The following MAGI2 variants were observed in gnomAD, a reference collection of about 807,000 sequenced individuals.
MAGI2 encodes the protein membrane associated guanylate kinase, WW and PDZ domain containing 2.
In MAGI2, 35 loss-of-function variants were observed where a neutral mutation model predicts 133.3. The observed-to-expected ratio is 0.26, with a 90% CI of 0.20 to 0.35. The LOEUF (loss-of-function observed/expected upper bound fraction) is 0.35. Among genes scored for constraint, MAGI2 ranks in the 10% least tolerant of loss-of-function variants. MAGI2 has a pLI of 1.00. For synonymous variants in MAGI2, 729 were observed against 710.6 expected (o/e 1.03, Z -0.41); for missense variants, 1,636 against 1,863.4 (o/e 0.88, Z 2.25).
chr7:79,135,425 T>A (rs1821300016), intron 1 of MAGI2, among the ~76,000 whole-genome samples: 1 of 152,174 alleles, frequency 6.6e-6, no homozygotes, highest in African/African-American at 2.4e-5. Context: ...ACCCTCTGGA[T>A]ATATAGAAAC....
At chr7:78,957,362 C>T (rs12705859) in intron 2 of MAGI2, among the ~76,000 whole-genome samples, 83,991 of 150,910 alleles carry the variant, frequency 0.56, 23,731 homozygotes, top group Non-Finnish European at 0.6. Flanking sequence ...TCATTGCATA[C>T]ATGTTTTCTA....
chr7:78,972,847 AG>A, intron 2 of MAGI2, among the ~76,000 whole-genome samples: 1 of 151,906 alleles, frequency 6.6e-6, no homozygotes, highest in Admixed American at 6.6e-5. Flanking sequence ...TTGCCAGAGT[AG>A]GGGCATATGC....
chr7:79,308,585 G>A (rs1165554266), intron 1 of MAGI2, among the ~76,000 whole-genome samples: 3 of 152,126 alleles, frequency 2.0e-5, no homozygotes, highest in African/African-American at 4.8e-5. Context: ...AAAGAACAAG[G>A]ACATATCTAT....
chr7:79,031,351 G>A (rs540056043), intron 1 of MAGI2, among the ~76,000 whole-genome samples: 1 of 152,258 alleles, frequency 6.6e-6, no homozygotes, highest in East Asian at 1.9e-4. Context: ...ACACTTAGTA[G>A]TTAGTTATTC....
At chr7:79,316,504 T>C (rs899478831) in intron 1 of MAGI2, among the ~76,000 whole-genome samples, 1 of 152,214 alleles carries the variant, frequency 6.6e-6, no homozygotes, top group East Asian at 1.9e-4. Context: ...CATACGCACA[T>C]ACATATGCAT....
intron 2 of MAGI2, chr7:79,000,347 A>T (rs1183134123): frequency 6.6e-6 from 1 of 152,214 alleles, no homozygotes; most frequent in African/African-American, 2.4e-5. Context: ...AAATAAAGTC[A>T]CAAATAATTA....
At chr7:78,321,745 G>A (rs1788024367) in intron 9 of MAGI2, among the ~76,000 whole-genome samples, 1 of 152,118 alleles carries the variant, frequency 6.6e-6, no homozygotes, top group South Asian at 2.1e-4. Flanking sequence ...AAAAGCAATG[G>A]CAACAAAAGC....
chr7:78,567,224 T>C (rs1801031652), intron 3 of MAGI2, among the ~76,000 whole-genome samples: 1 of 152,214 alleles, frequency 6.6e-6, no homozygotes, highest in African/African-American at 2.4e-5. Context: ...ATTTCTCCTC[T>C]TATTTACCAT....
At chr7:79,136,019 A>AAGAAGG (rs1821437573) in intron 1 of MAGI2, among the ~76,000 whole-genome samples, 1 of 117,926 alleles carries the variant, frequency 8.5e-6, no homozygotes, top group Non-Finnish European at 1.7e-5. Flanking sequence ...GAAAGAAAGA[A>AAGAAGG]AGAAAGAAGG....
chr7:79,220,258 G>C (rs1830344195), intron 1 of MAGI2, among the ~76,000 whole-genome samples: 1 of 151,954 alleles, frequency 6.6e-6, no homozygotes. Context: ...AGCAATCACT[G>C]CCTCAGTTGA....
At chr7:78,138,548 G>A (rs931416358) in intron 16 of MAGI2, among the ~76,000 whole-genome samples, 2 of 151,524 alleles carry the variant, frequency 1.3e-5, no homozygotes, top group Non-Finnish European at 2.9e-5. Context: ...ACTTATTTAT[G>A]CCTCTGCTCT....
chr7:78,548,127 A>C (rs989710713), intron 3 of MAGI2, among the ~76,000 whole-genome samples: 2 of 152,206 alleles, frequency 1.3e-5, no homozygotes, highest in Admixed American at 6.5e-5. Flanking sequence ...TATCTAGTCA[A>C]AACTCCCATT....
chr7:79,441,273 C>A (rs1367697041), intron 1 of MAGI2, among the ~76,000 whole-genome samples: 1 of 152,140 alleles, frequency 6.6e-6, no homozygotes, highest in Non-Finnish European at 1.5e-5. Flanking sequence ...CCAACAATTT[C>A]TTTAGTAACT....
At chr7:78,520,965 T>C (rs1469252528) in intron 4 of MAGI2, among the ~76,000 whole-genome samples, 3 of 152,164 alleles carry the variant, frequency 2.0e-5, no homozygotes, top group African/African-American at 7.2e-5. Flanking sequence ...ATTGAAGTTG[T>C]AAACTAAATC....
chr7:79,393,501 A>T (rs2129153875), intron 1 of MAGI2, among the ~76,000 whole-genome samples: 1 of 152,276 alleles, frequency 6.6e-6, no homozygotes, highest in South Asian at 2.1e-4. Context: ...TCAATGATAC[A>T]AATTAAGTTT....
At chr7:79,228,672 A>G (rs1255996681) in intron 1 of MAGI2, among the ~76,000 whole-genome samples, 1 of 152,110 alleles carries the variant, frequency 6.6e-6, no homozygotes, top group East Asian at 1.9e-4. Context: ...TCAGATTGTT[A>G]TGGTTATTTA....
chr7:78,269,553 T>TC (rs1395271812), intron 9 of MAGI2, among the ~76,000 whole-genome samples: 2 of 152,112 alleles, frequency 1.3e-5, no homozygotes, highest in Non-Finnish European at 2.9e-5. Context: ...AGCTTTTTTT[T>TC]CATGTTTGTT....
At chr7:78,593,132 T>TTC (rs1554490768) in intron 3 of MAGI2, among the ~76,000 whole-genome samples, 7 of 150,190 alleles carry the variant, frequency 4.7e-5, no homozygotes, top group African/African-American at 9.8e-5. Context: ...CTGATTTTTT[T>TTC]TTTCTTTCTT....
intron 16 of MAGI2, among the ~76,000 whole-genome samples, chr7:78,156,422 T>A (rs560287941): frequency 9.2e-5 from 14 of 152,252 alleles, no homozygotes; most frequent in African/African-American, 3.1e-4. Context: ...GAGTAAACTC[T>A]GCACTACTCG....
Sources: gnomAD v4.1 joint callset for allele counts (sites outside exome capture counted in the v4.1 genomes callset) on GRCh38, gnomAD v4.1.1 for gene constraint, MANE v1.5 for transcripts, NCBI Gene and HGNC (gene_info 2026-07-23, HGNC 2026-07-21) for gene names.